KIF16B: variants seen among roughly 807,000 people sequenced by gnomAD.
The protein encoded by KIF16B is kinesin-like protein KIF16B.
KIF16B carries 98 observed loss-of-function variants against 156.3 expected under a neutral mutation model. That is an observed-to-expected ratio of 0.63 (90% CI 0.53 to 0.74). The LOEUF (loss-of-function observed/expected upper bound fraction) is 0.74, where lower values mean the gene tolerates loss of function less well. Ranked by LOEUF, KIF16B falls within the 30% of genes least tolerant of loss-of-function variation. The pLI is 0.00. For synonymous variants in KIF16B, 564 were observed against 583.7 expected (o/e 0.97, Z 0.49); for missense variants, 1,421 against 1,606.5 (o/e 0.88, Z 1.97).
In KIF16B at chr20:16,483,082, G is replaced by A. The variant is rs1328278972; in HGVS notation, c.1302+11209C>T. Among the ~76,000 whole-genome samples, 3 of 152,168 alleles carry A rather than the reference G, an allele frequency of 2.0e-5. No homozygotes were observed. In the East Asian group the frequency reaches 5.8e-4, roughly 29 times the overall value. On this transcript the variant is annotated intron_variant, in intron 12 of 25. Coordinates refer to ENST00000354981, the MANE Select transcript of KIF16B (RefSeq NM_024704.5). ...TCAATGGAGAGCTCAAAAAGTTGTT[G>A]GGAACTCAGGAATGCACACTCCTTG... is the stretch of plus-strand genomic sequence containing the variant.
intron 1 of KIF16B, among the ~76,000 whole-genome samples, chr20:16,541,758 C>T (rs569447436): frequency 2.6e-5 from 4 of 152,208 alleles, no homozygotes; most frequent in Admixed American, 2.6e-4. Context: ...CAGGCCCAGG[C>T]AGAGGGAGAA....
chr20:16,433,262 A>G (rs1363878793), intron 12 of KIF16B, among the ~76,000 whole-genome samples: 1 of 152,134 alleles, frequency 6.6e-6, no homozygotes, highest in East Asian at 1.9e-4. Context: ...GAATTATTAC[A>G]GGCCTCTAGG....
At chr20:16,473,759 A>G (rs1418508671) in intron 12 of KIF16B, among the ~76,000 whole-genome samples, 1 of 152,218 alleles carries the variant, frequency 6.6e-6, no homozygotes, top group Non-Finnish European at 1.5e-5. Flanking sequence ...TGTGTCATTA[A>G]TTCAATGTGA....
In KIF16B at chr20:16,573,294, C is replaced by A; in HGVS notation, c.-19G>T. On this transcript the variant is annotated 5_prime_UTR_variant, in exon 1 of 26. Transcript: ENST00000354981. ...ATGCCATCGCTCATCCCGAACCAGC[C>A]CGCGCGGGGTCCCACTAGCCCAGAA... 1 of 1,609,554 alleles carries A rather than the reference C, an allele frequency of 6.2e-7. No homozygotes were observed. The highest frequency in any genetic ancestry group is 1.3e-5 in the African/African-American group (1 of 74,938).
chr20:16,497,056 G>C (rs1466537434), intron 11 of KIF16B, among the ~76,000 whole-genome samples: 1 of 151,938 alleles, frequency 6.6e-6, no homozygotes, highest in Non-Finnish European at 1.5e-5. Context: ...CATAAAACTG[G>C]TTTTTCAAAG....
intron 22 of KIF16B, among the ~76,000 whole-genome samples, chr20:16,363,851 T>C (rs1375545876): frequency 6.6e-6 from 1 of 152,188 alleles, no homozygotes. Flanking sequence ...GGGGGGTTGT[T>C]TGTTATTTGG....
At chr20:16,356,220 A>G in intron 23 of KIF16B, 110 bp downstream of exon 23, 5 of 1,379,216 alleles carry the variant, frequency 3.6e-6, no homozygotes, top group Non-Finnish European at 5.1e-6. Context: ...AATATTTTAC[A>G]AACAGGATAT....
In KIF16B at chr20:16,504,445, G is replaced by C. The variant is rs912899150; in HGVS notation, c.1103C>G (p.Ala368Gly). 5 of 1,614,058 alleles carry C rather than the reference G, an allele frequency of 3.1e-6. No individual in the cohort carries two copies. The highest frequency in any genetic ancestry group is 3.4e-6 in the Non-Finnish European group (4 of 1,179,964). Reference protein sequence around the residue: ...IINKPTINEDANVKLIRELRA... With the variant: ...IINKPTINEDGNVKLIRELRA... ...CAGCTCACGGATAAGTTTGACGTTG[G>C]CATCCTCATTAATGGTAGGCTTGTT... Residue 368 changes from alanine to glycine, a missense_variant, in exon 10 of 26, where the codon GCC becomes GGC. Coordinates refer to ENST00000354981, the MANE Select transcript of KIF16B (RefSeq NM_024704.5).
At chr20:16,275,616 G>A (rs2063049349) in intron 25 of KIF16B, among the ~76,000 whole-genome samples, 1 of 152,138 alleles carries the variant, frequency 6.6e-6, no homozygotes, top group East Asian at 1.9e-4. Flanking sequence ...AACTCAAGAT[G>A]TTTTTTCTTG....
intron 1 of KIF16B, among the ~76,000 whole-genome samples, chr20:16,566,072 C>T (rs1333400354): frequency 6.6e-6 from 1 of 152,224 alleles, no homozygotes; most frequent in Non-Finnish European, 1.5e-5. Flanking sequence ...TTGATTTCTT[C>T]GGTATATTTT....
chr20:16,469,073 T>A (rs35083405), intron 12 of KIF16B, among the ~76,000 whole-genome samples: 3,379 of 151,862 alleles, frequency 0.022, 84 homozygotes, highest in South Asian at 0.069. Flanking sequence ...GGCAACATAG[T>A]GTGACCCTAT....
chr20:16,414,882 C>G (rs955125113), intron 15 of KIF16B, among the ~76,000 whole-genome samples: 1 of 152,096 alleles, frequency 6.6e-6, no homozygotes, highest in Non-Finnish European at 1.5e-5. Flanking sequence ...ACATTCAGTA[C>G]AGTATTCAAC....
chr20:16,535,735 GA>G (rs34353693), intron 1 of KIF16B, among the ~76,000 whole-genome samples: 1 of 151,924 alleles, frequency 6.6e-6, no homozygotes, highest in Non-Finnish European at 1.5e-5. Flanking sequence ...ACAGATATAT[GA>G]AAAAAATGCT....
intron 25 of KIF16B, among the ~76,000 whole-genome samples, chr20:16,311,901 C>T (rs2063624753): frequency 6.6e-6 from 1 of 151,898 alleles, no homozygotes; most frequent in Non-Finnish European, 1.5e-5. Flanking sequence ...ATGAAACCTA[C>T]CCATGACTAA....
chr20:16,355,804 T>C (rs1156907950), intron 23 of KIF16B, among the ~76,000 whole-genome samples: 1 of 152,200 alleles, frequency 6.6e-6, no homozygotes, highest in Non-Finnish European at 1.5e-5. Flanking sequence ...GCTTCCTAAT[T>C]CATAATAGAA....
intron 2 of KIF16B, among the ~76,000 whole-genome samples, chr20:16,527,050 C>A (rs866216560): frequency 1.3e-5 from 2 of 152,100 alleles, no homozygotes; most frequent in Non-Finnish European, 2.9e-5. Context: ...CCAGAGTCAG[C>A]GGTCTTTTAC....
At chr20:16,558,492 A>G (rs1051833030) in intron 1 of KIF16B, among the ~76,000 whole-genome samples, 1 of 152,248 alleles carries the variant, frequency 6.6e-6, no homozygotes, top group Non-Finnish European at 1.5e-5. Flanking sequence ...CCCCAGAGGT[A>G]TAAAAGAGGC....
chr20:16,381,442 G>C (rs535456956), intron 18 of KIF16B, among the ~76,000 whole-genome samples: 1 of 151,124 alleles, frequency 6.6e-6, no homozygotes, highest in Admixed American at 6.6e-5. Flanking sequence ...TGTTAAATTT[G>C]CCTACTGACT....
chr20:16,355,668 G>A lies in KIF16B; in HGVS notation c.3621+662C>T, dbSNP rs1164496301. 2.6e-5 allele frequency among the ~76,000 whole-genome samples: 4 copies of A among 152,288 alleles called. No individual in the cohort carries two copies. The East Asian group carries it at 5.8e-4, about 22-fold the overall frequency. The stretch of plus-strand genomic sequence containing the variant: ...GCAACATTATTTAATAAAGTGTTAT[G>A]AGTCAATGAAAGCAAATTAGCAAAA... On this transcript the variant is annotated intron_variant, in intron 23 of 25. Coordinates refer to ENST00000354981, the MANE Select transcript of KIF16B (RefSeq NM_024704.5).
Sources: gnomAD v4.1 joint callset for allele counts (sites outside exome capture counted in the v4.1 genomes callset) on GRCh38, gnomAD v4.1.1 for gene constraint, MANE v1.5 for transcripts, NCBI Gene and HGNC (gene_info 2026-07-23, HGNC 2026-07-21) for gene names.